Variants in TMOD3 observed in about 807,000 individuals in gnomAD.
TMOD3 encodes tropomodulin 3.
In TMOD3, 20 loss-of-function variants were observed where a neutral mutation model predicts 39.2. The ratio of observed to expected loss-of-function variants is 0.51; its 90% CI spans 0.36 to 0.74. The LOEUF (loss-of-function observed/expected upper bound fraction) is 0.74, where lower values mean the gene tolerates loss of function less well. TMOD3 is among the 30% of genes least tolerant of loss of function. TMOD3 has a pLI of 0.00. For synonymous variants in TMOD3, 143 were observed against 145.8 expected, an observed-to-expected ratio of 0.98 and a Z score of 0.14; for missense variants, 381 against 412.8, an observed-to-expected ratio of 0.92 and a Z score of 0.67.
At chr15:51,840,031 G>T (rs1024614057) in intron 1 of TMOD3, among the ~76,000 whole-genome samples, 4 of 151,928 alleles carry the variant, frequency 2.6e-5, no homozygotes, top group African/African-American at 9.7e-5. Context: ...CCATGTTGCA[G>T]GCACTATATT....
At chr15:51,858,389 A>G (rs2056398723) in intron 1 of TMOD3, 1 of 151,672 alleles carries the variant, frequency 6.6e-6, no homozygotes, top group African/African-American at 2.4e-5. Context: ...TACAAAATGG[A>G]CGCTTAACAA....
At position 51,862,833 on chromosome 15, in the gene TMOD3, CT is replaced by C; in HGVS notation, c.-50del. On this transcript the variant is annotated 5_prime_UTR_variant, in exon 2 of 10. Coordinates refer to ENST00000308580, the MANE Select transcript of TMOD3 (RefSeq NM_014547.5). ...TAGCTTTAAGAAAAAGTAGAGATCA[CT>C]TCTGACTGTACTGAACAGCAAAAAT... The C allele has an allele frequency of 6.4e-7, 1 of 1,565,174 alleles. No individual in the cohort carries two copies. The highest frequency in any genetic ancestry group is 8.6e-7 in the Non-Finnish European group (1 of 1,160,150).
chr15:51,852,331 T>C (rs997912073), intron 1 of TMOD3, among the ~76,000 whole-genome samples: 1 of 152,114 alleles, frequency 6.6e-6, no homozygotes, highest in African/African-American at 2.4e-5. Context: ...CATAACAGTC[T>C]TAAGCCTAGC....
intron 2 of TMOD3, among the ~76,000 whole-genome samples, chr15:51,866,822 G>A (rs2056449325): frequency 6.6e-6 from 1 of 152,210 alleles, no homozygotes; most frequent in African/African-American, 2.4e-5. Context: ...CAAAACAAAT[G>A]TGGTCTTTGC....
chr15:51,893,679 G>A, intron 5 of TMOD3, 136 bp from the exon 6 acceptor site: 1 of 725,506 alleles, frequency 1.4e-6, no homozygotes, highest in Non-Finnish European at 1.9e-6. Context: ...GCAGGAGAAT[G>A]GCTTGAACCC....
At position 51,910,263 on chromosome 15, in the gene TMOD3, A is replaced by G. The variant is rs2056703213; in HGVS notation, c.*1453A>G. 6.6e-6 allele frequency: 1 copy of G among 152,206 alleles called. No homozygotes were observed. Among genetic ancestry groups the G allele is most frequent in the African/African-American group, 2.4e-5 (1 of 41,440 alleles). The allele number at this position is 152,206 out of a possible 1,614,324, so 9.4% of individuals were successfully genotyped here. A position where few individuals can be genotyped will look rare whatever the true frequency, so the allele number is the denominator to read the frequency against. ...CATTTCTGAGGAAGGCAAGGTGGCT[A>G]ATCATTATTAATTTTTTTTAAACTT... On this transcript the variant is annotated 3_prime_UTR_variant, in exon 10 of 10. Coordinates refer to ENST00000308580, the MANE Select transcript of TMOD3 (RefSeq NM_014547.5).
rs559242079 is a variant in TMOD3, at chr15:51,864,733, G to A, written c.126+1723G>A. Among the ~76,000 whole-genome samples the A allele has an allele frequency of 5.3e-5, 8 of 152,260 alleles. No homozygotes were observed. In the East Asian group the frequency reaches 1.2e-3, roughly 22 times the overall value. On this transcript the variant is annotated intron_variant, in intron 2 of 9. Coordinates refer to ENST00000308580, the MANE Select transcript of TMOD3 (RefSeq NM_014547.5). ...GTTTGAATAATTTGAACAGGCTCAGGGCTATGTAACTAGTCTCTAGTTGTC... is the reference window on the plus strand; with the variant it reads ...GTTTGAATAATTTGAACAGGCTCAGAGCTATGTAACTAGTCTCTAGTTGTC...
At chr15:51,907,605 T>C (rs1405062744) in intron 9 of TMOD3, among the ~76,000 whole-genome samples, 105 of 152,194 alleles carry the variant, frequency 6.9e-4, no homozygotes, top group Non-Finnish European at 1.0e-4. Context: ...AACAGCCAAT[T>C]TAGGCCAAAG....
chr15:51,865,071 C>T (rs535649460), intron 2 of TMOD3, among the ~76,000 whole-genome samples: 2 of 152,196 alleles, frequency 1.3e-5, no homozygotes, highest in East Asian at 3.9e-4. Flanking sequence ...ACTGCAGCCT[C>T]GAACTTCTGG....
intron 2 of TMOD3, among the ~76,000 whole-genome samples, chr15:51,865,959 C>G (rs1256731308): frequency 6.6e-6 from 1 of 151,658 alleles, no homozygotes; most frequent in African/African-American, 2.4e-5. Context: ...TTTTTCCCCC[C>G]CAAGGCTAGG....
chr15:51,870,048 C>T (rs563240084), intron 3 of TMOD3, among the ~76,000 whole-genome samples: 2 of 152,284 alleles, frequency 1.3e-5, no homozygotes, highest in African/African-American at 4.8e-5. Flanking sequence ...AAGCGATTCT[C>T]CTGTCTCAGC....
intron 2 of TMOD3, among the ~76,000 whole-genome samples, chr15:51,865,760 A>G (rs979446890): frequency 1.3e-5 from 2 of 152,168 alleles, no homozygotes; most frequent in Admixed American, 1.3e-4. Context: ...AGCCAAAGAA[A>G]CACCACTGTA....
intron 5 of TMOD3, among the ~76,000 whole-genome samples, chr15:51,891,150 A>G (rs1033498546): frequency 6.6e-6 from 1 of 151,748 alleles, no homozygotes; most frequent in Admixed American, 6.6e-5. Flanking sequence ...ATGTCGTTTC[A>G]TGATTGGCTC....
At chr15:51,833,279 T>A (rs1053843547) in intron 1 of TMOD3, 1 of 152,256 alleles carries the variant, frequency 6.6e-6, no homozygotes, top group Non-Finnish European at 1.5e-5. Flanking sequence ...TGGCACATGA[T>A]TGAAAATGCT....
Position 51,869,379 on chromosome 15 carries a change from C to G in TMOD3, c.283+6C>G, listed in dbSNP as rs778329675. The G allele has an allele frequency of 6.2e-7, 1 of 1,608,928 alleles. No individual in the cohort carries two copies. The highest frequency in any genetic ancestry group is 1.3e-5 in the African/African-American group (1 of 74,528). ...CTACACTGGAGAAAAAAAAGGTAAG[C>G]CCCAGAATTTTAAAGTCATTATGTG... is the stretch of plus-strand genomic sequence containing the variant. On this transcript the variant is annotated splice_donor_region_variant and intron_variant, in intron 3 of 9. Coordinates refer to ENST00000308580, the MANE Select transcript of TMOD3 (RefSeq NM_014547.5).
chr15:51,843,892 A>G (rs2056323987), intron 1 of TMOD3, among the ~76,000 whole-genome samples: 1 of 14,072 alleles, frequency 7.1e-5, no homozygotes, highest in South Asian at 2.6e-3. Flanking sequence ...GCAGATTGCT[A>G]GTTTTTTTTT....
intron 1 of TMOD3, among the ~76,000 whole-genome samples, chr15:51,839,145 T>G (rs972397170): frequency 2.0e-5 from 3 of 151,116 alleles, no homozygotes; most frequent in Non-Finnish European, 4.4e-5. Context: ...GATTGACAGC[T>G]AAGAAATAGG....
rs1241753036 is a variant in TMOD3, at chr15:51,911,992, C to T, written c.*3182C>T. ...CTTCATGTTATTTGATTGAAATAAC[C>T]CACATCCTTGCTTTGTATAAGATAT... On this transcript the variant is annotated 3_prime_UTR_variant, in exon 10 of 10. Transcript: ENST00000308580. 1 of 152,104 alleles carries T rather than the reference C, an allele frequency of 6.6e-6. No homozygotes were observed. Among genetic ancestry groups the T allele is most frequent in the African/African-American group, 2.4e-5 (1 of 41,410 alleles). The allele number at this position is 152,104 out of a possible 1,614,324, so 9.4% of individuals were successfully genotyped here.
Position 51,857,908 on chromosome 15 carries a change from G to C in TMOD3, c.-74-4903G>C, listed in dbSNP as rs529864877. Among the ~76,000 whole-genome samples, 172 of 151,874 alleles carry C rather than the reference G, an allele frequency of 1.1e-3. 2 individuals are homozygous for C. Among genetic ancestry groups the C allele is most frequent in the African/African-American group, 4.0e-3 (165 of 41,406 alleles). On this transcript the variant is annotated intron_variant, in intron 1 of 9. Transcript: ENST00000308580. ...TTAAGTGGTGTTATTTTTAATTTTT[G>C]TCCCTTAAATTTTTACCTTCTTCAG...
Sources: gnomAD v4.1 joint callset for allele counts (sites outside exome capture counted in the v4.1 genomes callset) on GRCh38, gnomAD v4.1.1 for gene constraint, MANE v1.5 for transcripts, NCBI Gene and HGNC (gene_info 2026-07-23, HGNC 2026-07-21) for gene names.